CDH23: variants seen among roughly 807,000 people sequenced by gnomAD.
The protein encoded by CDH23 is cadherin-23.
A neutral mutation model predicts 317.1 loss-of-function variants in CDH23; 189 were observed. The observed-to-expected ratio is 0.60, with a 90% CI of 0.53 to 0.67. The LOEUF (loss-of-function observed/expected upper bound fraction) is 0.67, where lower values mean the gene tolerates loss of function less well. CDH23 is among the 30% of genes least tolerant of loss of function. CDH23 has a pLI of 0.00. For synonymous variants in CDH23, 1,839 were observed against 1,876.8 expected, an observed-to-expected ratio of 0.98 and a Z score of 0.52; for missense variants, 4,401 against 4,592.4, an observed-to-expected ratio of 0.96 and a Z score of 1.20.
At chr10:71,672,331 G>A (rs1018674482) in intron 14 of CDH23, among the ~76,000 whole-genome samples, 5 of 152,062 alleles carry the variant, frequency 3.3e-5, no homozygotes, top group African/African-American at 9.7e-5. Flanking sequence ...CAGATCTACC[G>A]CCTCCTCCCA....
intron 17 of CDH23, 64 bp downstream of exon 17, chr10:71,679,556 A>G: frequency 7.9e-7 from 1 of 1,261,140 alleles, no homozygotes; most frequent in East Asian, 2.5e-5. Flanking sequence ...CTGCACTCAC[A>G]CCTCCCTTGT....
rs1354576040 is a variant in CDH23 at position 71,397,267 on chromosome 10, G to C, written c.-57G>C. 2 of 179,192 alleles carry C rather than the reference G, an allele frequency of 1.1e-5. No individual in the cohort carries two copies. The highest frequency in any genetic ancestry group is 2.3e-5 in the Non-Finnish European group (2 of 86,860). The allele number at this position is 179,192 out of a possible 1,614,324, so 11.1% of individuals were successfully genotyped here. A position where few individuals can be genotyped will look rare whatever the true frequency, so the allele number is the denominator to read the frequency against. ...GGCCCGCGGGGGCCGATCCGGCGGA[G>C]AGCAGAGCCCGAGGCGAGGCGAGGC... is the stretch of plus-strand genomic sequence containing the variant. On this transcript the variant is annotated 5_prime_UTR_variant, in exon 1 of 70. Transcript: ENST00000224721. This position sits in a 1 kb window ranked among gnomAD's most constrained non-coding sequence, Gnocchi z 4.8.
At chr10:71,797,323 A>T (rs940736416) in intron 49 of CDH23, 103 bp downstream of exon 49, 5 of 765,422 alleles carry the variant, frequency 6.5e-6, no homozygotes, top group Non-Finnish European at 1.1e-5. Context: ...GGGAGCAACA[A>T]GACCCAGTTG....
At chr10:71,730,739 C>T in intron 31 of CDH23, 135 bp downstream of exon 31, 11 of 1,312,598 alleles carry the variant, frequency 8.4e-6, no homozygotes, top group Non-Finnish European at 1.2e-5. Flanking sequence ...CAGGGAGGGG[C>T]TGCTGGGATG....
chr10:71,629,169 T>A (rs890084127), intron 11 of CDH23, among the ~76,000 whole-genome samples: 2 of 152,172 alleles, frequency 1.3e-5, no homozygotes, highest in Non-Finnish European at 2.9e-5. Flanking sequence ...GATTCTAGCA[T>A]CGATTCACAA....
intron 19 of CDH23, among the ~76,000 whole-genome samples, chr10:71,688,122 A>T (rs1400799018): frequency 1.3e-5 from 2 of 152,158 alleles, no homozygotes; most frequent in African/African-American, 2.4e-5. Context: ...ACAGCGGGGC[A>T]TGTGTTCCTA....
At chr10:71,603,947 G>A (rs1476539754) in intron 9 of CDH23, among the ~76,000 whole-genome samples, 2 of 152,206 alleles carry the variant, frequency 1.3e-5, no homozygotes, top group African/African-American at 4.8e-5. Context: ...ACAGGCAGAA[G>A]CACGCATCTT....
At chr10:71,812,346 A>G (rs1477131239) in intron 66 of CDH23, 134 bp from the exon 67 acceptor site, 5 of 1,599,522 alleles carry the variant, frequency 3.1e-6, no homozygotes, top group Non-Finnish European at 4.2e-6. Context: ...CACAGGCACC[A>G]GGGCCTCACA....
rs368162217 is a variant in CDH23 at position 71,677,612 on chromosome 10, C to T, written c.1671C>T (p.Asn557=). The change falls in exon 16 of 70, where the codon AAC becomes AAT. Residue 557 remains asparagine (N), a synonymous_variant. Transcript: ENST00000224721. Reference sequence around the variant, plus strand: ...TCAATGTGTTGGATGTCAACGACAACGTGCCCACCTTCCAGAAGGATGCCT... The same window carrying T: ...TCAATGTGTTGGATGTCAACGACAATGTGCCCACCTTCCAGAAGGATGCCT... ...VRINVLDVND[N]VPTFQKDAYV... is the part of the protein sequence containing the mutation. 20 of 1,603,620 alleles carry T rather than the reference C, an allele frequency of 1.2e-5. No homozygotes were observed. Among genetic ancestry groups the T allele is most frequent in the Admixed American group, 6.8e-5 (4 of 58,626 alleles).
At chr10:71,577,670 G>A (rs1228829090) in intron 8 of CDH23, among the ~76,000 whole-genome samples, 1 of 152,172 alleles carries the variant, frequency 6.6e-6, no homozygotes, top group Admixed American at 6.5e-5. Context: ...TAAGGGATAT[G>A]GGAAGGGGAA....
At chr10:71,786,880 G>A (rs1269161093) in intron 44 of CDH23, among the ~76,000 whole-genome samples, 3 of 152,082 alleles carry the variant, frequency 2.0e-5, no homozygotes, top group African/African-American at 2.4e-5. Context: ...GGAGGGCCCC[G>A]GGTAAAAGCA....
At chr10:71,437,270 A>C (rs933193440) in intron 1 of CDH23, among the ~76,000 whole-genome samples, 1 of 152,088 alleles carries the variant, frequency 6.6e-6, no homozygotes, top group Non-Finnish European at 1.5e-5. Context: ...CAGCACTCCC[A>C]CTGTTGGAGA....
intron 57 of CDH23, among the ~76,000 whole-genome samples, chr10:71,806,546 A>G (rs1488407668): frequency 6.7e-6 from 1 of 149,228 alleles, no homozygotes; most frequent in African/African-American, 2.5e-5. Context: ...GCACACACAC[A>G]TACACACACA....
chr10:71,770,927 C>T (rs1840669921), intron 38 of CDH23, among the ~76,000 whole-genome samples: 1 of 152,192 alleles, frequency 6.6e-6, no homozygotes, highest in African/African-American at 2.4e-5. Context: ...AAGGCTGTTC[C>T]TCTCTACTCC....
At chr10:71,694,067 C>T (rs1033217386) in intron 20 of CDH23, 80 bp from the exon 21 acceptor site, 1 of 1,099,766 alleles carries the variant, frequency 9.1e-7, no homozygotes, top group African/African-American at 1.5e-5. Flanking sequence ...CTCTCTCCTT[C>T]CCTCGCTCTC....
chr10:71,452,239 G>T (rs928530335), intron 3 of CDH23, among the ~76,000 whole-genome samples: 1 of 152,096 alleles, frequency 6.6e-6, no homozygotes, highest in Non-Finnish European at 1.5e-5. Flanking sequence ...TGACCAAGGG[G>T]GTCTAGAAGG....
rs1864307648 is a variant in CDH23 at position 71,675,169 on chromosome 10, C to T, written c.1507C>T (p.Pro503Ser). The T allele has an allele frequency of 4.3e-6, 7 of 1,613,656 alleles. No individual in the cohort carries two copies. The highest frequency in any genetic ancestry group is 1.3e-5 in the African/African-American group (1 of 75,016). Residue 503 changes from proline to serine, a missense_variant, in exon 15 of 70, where the codon CCT becomes TCT. By Grantham distance (74) the Pro-to-Ser change is moderately conservative (BLOSUM62 -1). Around this residue, in one of 3 missense-constraint regions of CDH23, gnomAD observed 3,068 missense variants for 3,203.3 expected, o/e 0.96. Coordinates refer to ENST00000224721, the MANE Select transcript of CDH23 (RefSeq NM_022124.6). ...AGTCAGCTACTTCTTCAGTGATGAC[C>T]CTGACAGGTGAGACTCTGCCCACAG... is the stretch of plus-strand genomic sequence containing the variant. ...GEVSYFFSDDPDRFSLDKDTG... is the reference protein window; with the variant it reads ...GEVSYFFSDDSDRFSLDKDTG...
intron 3 of CDH23, among the ~76,000 whole-genome samples, chr10:71,467,573 T>C (rs2132077508): frequency 6.6e-6 from 1 of 152,252 alleles, no homozygotes; most frequent in East Asian, 1.9e-4. Context: ...GGAGCAGAGA[T>C]GAAGAGCACA....
intron 57 of CDH23, 64 bp from the exon 58 acceptor site, chr10:71,807,213 A>G (rs552515468): frequency 1.3e-6 from 2 of 1,589,148 alleles, no homozygotes; most frequent in East Asian, 4.5e-5. Context: ...AGGGCCCTGA[A>G]ACAGGGACTG....
Sources: gnomAD v4.1 joint callset for allele counts (sites outside exome capture counted in the v4.1 genomes callset) on GRCh38, gnomAD v4.1.1 for gene constraint, gnomAD v4.1.1 regional missense constraint, Gnocchi (gnomAD v3.1) non-coding constraint, MANE v1.5 for transcripts, NCBI Gene and HGNC (gene_info 2026-07-23, HGNC 2026-07-21) for gene names.